CASP10: variants seen among roughly 807,000 people sequenced by gnomAD.
The protein encoded by CASP10 is caspase-10.
In CASP10, 41 loss-of-function variants were observed where a neutral mutation model predicts 48.5. The ratio of observed to expected loss-of-function variants is 0.85; its 90% CI spans 0.66 to 1.10. The LOEUF is 1.10. Among genes scored for constraint, CASP10 ranks in the 50% least tolerant of loss-of-function variants. The pLI, the probability that CASP10 is intolerant of heterozygous loss-of-function variation, is 0.00. For missense variants in CASP10, 614 were observed against 614.5 expected, an observed-to-expected ratio of 1.00 and a Z score of 0.01; for synonymous variants, 232 against 238.4, an observed-to-expected ratio of 0.97 and a Z score of 0.25.
intron 5 of CASP10, among the ~76,000 whole-genome samples, chr2:201,200,880 C>T (rs1236396689): frequency 1.3e-5 from 2 of 151,996 alleles, no homozygotes; most frequent in African/African-American, 4.8e-5. Context: ...TAGAAAAGCG[C>T]CTAGATATCT....
In CASP10 at chr2:201,221,184, C is replaced by A; in HGVS notation, c.*3443C>A. 1.0e-6 allele frequency: 1 copy of A among 985,344 alleles called. No homozygotes were observed. The highest frequency in any genetic ancestry group is 1.2e-6 in the Non-Finnish European group (1 of 829,914). 61.0% of individuals were successfully genotyped at this position (985,344 alleles called of 1,614,324 possible). On this transcript the variant is annotated 3_prime_UTR_variant, in exon 10 of 10. Transcript: ENST00000286186. The stretch of plus-strand genomic sequence containing the variant: ...AGCGGCAACTCAGCACTAGCATTAC[C>A]CCTGACATACTCTGAGTAAGATCTA...
chr2:201,209,497 G>T lies in CASP10; in HGVS notation c.1350G>T (p.Arg450=), dbSNP rs370670949. The change falls in exon 9 of 10, where the codon CGG becomes CGT. Residue 450 remains arginine (R), a synonymous_variant. Transcript: ENST00000286186. ...CTGTCCCAGGCTATGTATCCTTTCG[G>T]CATGTGGAGGAAGGCAGCTGGTATA... ...LATVPGYVSF[R]HVEEGSWYIQ... 3.4e-5 allele frequency: 55 copies of T among 1,613,532 alleles called. No individual in the cohort carries two copies. Among genetic ancestry groups the T allele is most frequent in the Non-Finnish European group, 4.6e-5 (54 of 1,179,828 alleles).
At position 201,209,068 on chromosome 2, in the gene CASP10, A is replaced by G; in HGVS notation, c.923-2A>G. 1 of 1,594,804 alleles carries G rather than the reference A, an allele frequency of 6.3e-7. No individual in the cohort carries two copies. The highest frequency in any genetic ancestry group is 1.1e-5 in the South Asian group (1 of 89,480). On this transcript the variant is annotated splice_acceptor_variant, in intron 8 of 9. Coordinates refer to ENST00000286186, the MANE Select transcript of CASP10 (RefSeq NM_032977.4). LOFTEE classifies it high-confidence loss of function. ...TTTTTTTTTTTTTTTGTTTTTAAAC[A>G]GAGATCCTGAGTCATGTGTTCCAGT...
chr2:201,186,119 G>C lies in CASP10; in HGVS notation c.342G>C (p.Leu114=), dbSNP rs775888850. Residue 114 remains leucine (L), a synonymous_variant, in exon 2 of 10, where the codon CTG becomes CTC. Transcript: ENST00000286186. ...TGCCCACCCGACAAAGGGTTTCTCTGTTTAGGTGAGGACGGGTCTGTGGTG... is the reference window on the plus strand; with the variant it reads ...TGCCCACCCGACAAAGGGTTTCTCTCTTTAGGTGAGGACGGGTCTGTGGTG... The part of the protein sequence containing the change: ...RLLPTRQRVS[L]FRNLLYELSE... 6.2e-7 allele frequency: 1 copy of C among 1,610,706 alleles called. No homozygotes were observed.
Position 201,219,170 on chromosome 2 carries a change from T to G in CASP10, c.*1429T>G. 1 of 202,920 alleles carries G rather than the reference T, an allele frequency of 4.9e-6. No individual in the cohort carries two copies. Among genetic ancestry groups the G allele is most frequent in the Non-Finnish European group, 8.7e-6 (1 of 114,524 alleles). 12.6% of individuals were successfully genotyped at this position (202,920 alleles called of 1,614,324 possible). On this transcript the variant is annotated 3_prime_UTR_variant, in exon 10 of 10. Transcript: ENST00000286186. ...CTGTAATCCCAGCTACTCGGGAGGC[T>G]GAGACAGGAGAATCTCTTGAATCCA...
downstream of CASP10, among the ~76,000 whole-genome samples, chr2:201,223,548 G>C (rs545269036): frequency 1.3e-5 from 2 of 152,162 alleles, no homozygotes; most frequent in Admixed American, 1.3e-4. Flanking sequence ...TCTCTTCTCT[G>C]TTCTCTGTTT....
At chr2:201,206,594 A>T (rs1246841910) in intron 7 of CASP10, among the ~76,000 whole-genome samples, 1 of 146,740 alleles carries the variant, frequency 6.8e-6, no homozygotes, top group Non-Finnish European at 1.5e-5. Flanking sequence ...CTTATATATT[A>T]AGTGTATATA....
chr2:201,217,172 GTGGCATCT>G (rs1945596001), intron 9 of CASP10, among the ~76,000 whole-genome samples: 5 of 152,316 alleles, frequency 3.3e-5, no homozygotes, highest in African/African-American at 2.4e-5. Flanking sequence ...GTTGGTATCT[GTGGCATCT>G]GCTGCATATT....
Position 201,218,766 on chromosome 2 carries a change from C to T in CASP10, c.*1025C>T. On this transcript the variant is annotated 3_prime_UTR_variant, in exon 10 of 10. Transcript: ENST00000286186. Reference sequence around the variant, plus strand: ...AGTGAGGTCACAGTCCACCCACCCTCTCTCTGATCTCCCCCTTCCTAAGAC... The same window carrying T: ...AGTGAGGTCACAGTCCACCCACCCTTTCTCTGATCTCCCCCTTCCTAAGAC... The T allele has an allele frequency of 1.0e-6, 1 of 985,530 alleles. No individual in the cohort carries two copies. The highest frequency in any genetic ancestry group is 1.2e-6 in the Non-Finnish European group (1 of 829,992). 61.0% of individuals were successfully genotyped at this position (985,530 alleles called of 1,614,324 possible).
At chr2:201,193,199 T>G in intron 4 of CASP10, 80 bp downstream of exon 4, 1 of 1,311,698 alleles carries the variant, frequency 7.6e-7, no homozygotes, top group Non-Finnish European at 1.1e-6. Flanking sequence ...GTTTTGATTA[T>G]TTGTTTTGTT....
At chr2:201,216,598 G>A (rs1015185100) in intron 9 of CASP10, among the ~76,000 whole-genome samples, 1 of 152,038 alleles carries the variant, frequency 6.6e-6, no homozygotes, top group Non-Finnish European at 1.5e-5. Context: ...AAGGATGAGG[G>A]GATGAGAGTA....
At chr2:201,199,145 T>A (rs1576100273) in intron 5 of CASP10, among the ~76,000 whole-genome samples, 1 of 152,326 alleles carries the variant, frequency 6.6e-6, no homozygotes, top group East Asian at 1.9e-4. Flanking sequence ...CATCATGGCC[T>A]TTTACTCCTA....
chr2:201,187,781 G>T lies in CASP10; in HGVS notation c.423G>T (p.Ser141=), dbSNP rs768931544. 35 of 1,613,636 alleles carry T rather than the reference G, an allele frequency of 2.2e-5. No homozygotes were observed. In the East Asian group the frequency reaches 3.3e-4, roughly 15 times the overall value. The part of the protein sequence containing the change: ...LKDMIFLLKD[S]LPKTEMTSLS... ...ACATGATCTTCCTTCTGAAAGACTC[G>T]CTTCCCAAAACTGAAATGGTGAGTG... is the stretch of plus-strand genomic sequence containing the variant. The change falls in exon 3 of 10, where the codon TCG becomes TCT. Residue 141 remains serine, a synonymous_variant. Coordinates refer to ENST00000286186, the MANE Select transcript of CASP10 (RefSeq NM_032977.4).
At chr2:201,191,919 T>G (rs913515905) in intron 3 of CASP10, among the ~76,000 whole-genome samples, 1 of 152,230 alleles carries the variant, frequency 6.6e-6, no homozygotes, top group African/African-American at 2.4e-5. Context: ...TTTCAGATGT[T>G]TGCTGCTAGT....
chr2:201,196,254 C>T (rs1944792809), intron 5 of CASP10, among the ~76,000 whole-genome samples: 1 of 152,214 alleles, frequency 6.6e-6, no homozygotes, highest in Non-Finnish European at 1.5e-5. Context: ...CTGTTCTTAT[C>T]TGTGGGATGC....
intron 9 of CASP10, among the ~76,000 whole-genome samples, chr2:201,215,109 T>G (rs562618421): frequency 6.6e-6 from 1 of 152,176 alleles, no homozygotes; most frequent in East Asian, 1.9e-4. Context: ...GTTTTTTTGC[T>G]GTTGAGTTAT....
intron 9 of CASP10, among the ~76,000 whole-genome samples, chr2:201,227,903 T>C (rs1476264494): frequency 6.6e-6 from 1 of 152,102 alleles, no homozygotes; most frequent in Non-Finnish European, 1.5e-5. Flanking sequence ...AAGGGGTTCC[T>C]CTACAGAATC....
chr2:201,199,025 ACCC>A (rs1419675050), intron 5 of CASP10, among the ~76,000 whole-genome samples: 1 of 151,962 alleles, frequency 6.6e-6, no homozygotes. Flanking sequence ...TTGATGTTTT[ACCC>A]CATTTGCTTT....
intron 8 of CASP10, among the ~76,000 whole-genome samples, chr2:201,208,761 C>A (rs189221574): frequency 2.6e-4 from 40 of 152,218 alleles, no homozygotes; most frequent in African/African-American, 9.1e-4. Flanking sequence ...TCACTGCAAC[C>A]TCTGCCTCCC....
Sources: gnomAD v4.1 joint callset for allele counts (sites outside exome capture counted in the v4.1 genomes callset) on GRCh38, gnomAD v4.1.1 for gene constraint, MANE v1.5 for transcripts, NCBI Gene and HGNC (gene_info 2026-07-23, HGNC 2026-07-21) for gene names.